IGF1R: variants seen among roughly 807,000 people sequenced by gnomAD.
IGF1R encodes the protein insulin like growth factor 1 receptor.
A neutral mutation model predicts 144.6 loss-of-function variants in IGF1R; 44 were observed. The ratio of observed to expected loss-of-function variants is 0.30; its 90% CI spans 0.24 to 0.39. The LOEUF (loss-of-function observed/expected upper bound fraction) is 0.39. Ranked by LOEUF, IGF1R falls within the 10% of genes least tolerant of loss-of-function variation. The pLI is 1.00. For missense variants in IGF1R, 1,355 were observed against 1,833.7 expected (o/e 0.74, Z 4.77); for synonymous variants, 795 against 722.8 (o/e 1.10, Z -1.60).
At chr15:98,774,111 C>T (rs11855167) in intron 2 of IGF1R, among the ~76,000 whole-genome samples, 8,275 of 152,132 alleles carry the variant, frequency 0.054, 276 homozygotes, top group East Asian at 0.12. Flanking sequence ...GACATCATGC[C>T]GTGACAAAAA....
chr15:98,864,797 C>T (rs1255370551), intron 2 of IGF1R, among the ~76,000 whole-genome samples: 1 of 152,200 alleles, frequency 6.6e-6, no homozygotes, highest in Admixed American at 6.5e-5. Context: ...GATTTATACT[C>T]CTCAAGTGTA....
In IGF1R at chr15:98,895,866, C is replaced by T. The variant is rs942802141; in HGVS notation, c.954-891C>T. On this transcript the variant is annotated intron_variant, in intron 3 of 20. Transcript: ENST00000650285. ...GCTTACCATCCTATTACACACACAT[C>T]GCATAAGTTCGTATTATTTGTCTTG... Among the ~76,000 whole-genome samples, 15 of 152,314 alleles carry T rather than the reference C, an allele frequency of 9.8e-5. No individual in the cohort carries two copies. In the East Asian group the frequency reaches 1.9e-3, roughly 20 times the overall value.
chr15:98,925,087 AT>A (rs1456310638), intron 13 of IGF1R, among the ~76,000 whole-genome samples: 1 of 151,886 alleles, frequency 6.6e-6, no homozygotes, highest in Admixed American at 6.6e-5. Flanking sequence ...TAGGGCTCGG[AT>A]TCAGGGCTTG....
At chr15:98,939,108 ATT>A in intron 17 of IGF1R, 91 bp from the exon 18 acceptor site, 1 of 1,072,278 alleles carries the variant, frequency 9.3e-7, no homozygotes, top group Non-Finnish European at 1.4e-6. Flanking sequence ...CGGTGCCCAG[ATT>A]GAACAAAGAT....
At chr15:98,816,809 G>C (rs559107248) in intron 2 of IGF1R, among the ~76,000 whole-genome samples, 1 of 152,232 alleles carries the variant, frequency 6.6e-6, no homozygotes, top group Non-Finnish European at 1.5e-5. Context: ...GGAGGTGGGA[G>C]AGGGAGATGA....
chr15:98,950,198 A>C (rs1396316511), intron 20 of IGF1R, among the ~76,000 whole-genome samples: 2 of 151,396 alleles, frequency 1.3e-5, no homozygotes, highest in African/African-American at 4.9e-5. Context: ...TCACCCATCC[A>C]CCCCCCTGGA....
chr15:98,941,946 T>TATAA (rs1013199136), intron 18 of IGF1R, among the ~76,000 whole-genome samples: 52 of 152,292 alleles, frequency 3.4e-4, no homozygotes, highest in African/African-American at 1.2e-3. Context: ...AATTTAGGAT[T>TATAA]ATAAAGCGAG....
intron 1 of IGF1R, among the ~76,000 whole-genome samples, chr15:98,673,622 A>G (rs186030989): frequency 2.8e-4 from 43 of 152,330 alleles, no homozygotes; most frequent in African/African-American, 1.0e-3. Context: ...GGATCCCCCC[A>G]TGCTGGGTAC....
At chr15:98,826,277 T>C (rs947559034) in intron 2 of IGF1R, among the ~76,000 whole-genome samples, 1 of 152,244 alleles carries the variant, frequency 6.6e-6, no homozygotes, top group Admixed American at 6.5e-5. Flanking sequence ...AGGACTTTCC[T>C]CAGGGATTTA....
intron 2 of IGF1R, among the ~76,000 whole-genome samples, chr15:98,778,259 A>T (rs934461520): frequency 6.6e-6 from 1 of 152,174 alleles, no homozygotes; most frequent in Admixed American, 6.5e-5. Flanking sequence ...GTCGTAGGAA[A>T]ACTGAGAAGC....
chr15:98,674,761 C>A (rs2052989564), intron 1 of IGF1R, among the ~76,000 whole-genome samples: 1 of 151,900 alleles, frequency 6.6e-6, no homozygotes, highest in Non-Finnish European at 1.5e-5. Context: ...CTCAAGGTAA[C>A]CATTGTTAAT....
At position 98,958,790 on chromosome 15, in the gene IGF1R, A is replaced by T. The variant is rs1308874569; in HGVS notation, c.*1348A>T. On this transcript the variant is annotated 3_prime_UTR_variant, in exon 21 of 21. Transcript: ENST00000650285. Reference sequence around the variant, plus strand: ...GGTCCACCCTCTCCCCTTTCTGCTCACTCCAAGAAACTTCTTATGCTTTGT... The same window carrying T: ...GGTCCACCCTCTCCCCTTTCTGCTCTCTCCAAGAAACTTCTTATGCTTTGT... The T allele has an allele frequency of 2.1e-5, 5 of 232,662 alleles. No homozygotes were observed. Among genetic ancestry groups the T allele is most frequent in the Non-Finnish European group, 4.2e-5 (5 of 117,718 alleles). 14.4% of individuals were successfully genotyped at this position (232,662 alleles called of 1,614,324 possible).
At chr15:98,943,898 G>A (rs571515897) in intron 19 of IGF1R, among the ~76,000 whole-genome samples, 24 of 152,078 alleles carry the variant, frequency 1.6e-4, no homozygotes, top group Admixed American at 5.2e-4. Flanking sequence ...TTTTAACCTC[G>A]TAAACCTTTC....
chr15:98,943,554 G>C (rs562306459), intron 19 of IGF1R, among the ~76,000 whole-genome samples: 2 of 152,360 alleles, frequency 1.3e-5, no homozygotes, highest in African/African-American at 4.8e-5. Flanking sequence ...TGTGGACCCA[G>C]GGATGGTTAT....
At position 98,738,617 on chromosome 15, in the gene IGF1R, T is replaced by TC. The variant is rs1363284377; in HGVS notation, c.640+30517dup. 8.5e-5 allele frequency among the ~76,000 whole-genome samples: 13 copies of TC among 152,162 alleles called. No homozygotes were observed. The East Asian group carries it at 1.4e-3, about 16-fold the overall frequency. ...AGTTGTGTCTGTCTGAGGCTCAGAT[T>TC]CCCCCCCATTTAGGATTTGTGTGGC... On this transcript the variant is annotated intron_variant, in intron 2 of 20. Coordinates refer to ENST00000650285, the MANE Select transcript of IGF1R (RefSeq NM_000875.5).
At position 98,896,718 on chromosome 15, in the gene IGF1R, A is replaced by G. The variant is rs375161274; in HGVS notation, c.954-39A>G. The G allele has an allele frequency of 1.7e-5, 28 of 1,604,120 alleles. No homozygotes were observed. The African/African-American group carries it at 2.1e-4, about 12-fold the overall frequency. ...TTTTTAATGCAAGAAGACAGACTCA[A>G]TTATGTGTGTTTTTGATTTTTTTTT... On this transcript the variant is annotated intron_variant, in intron 3 of 20. Coordinates refer to ENST00000650285, the MANE Select transcript of IGF1R (RefSeq NM_000875.5).
chr15:98,887,469 A>G (rs761599732), intron 2 of IGF1R, among the ~76,000 whole-genome samples: 1 of 152,158 alleles, frequency 6.6e-6, no homozygotes, highest in Non-Finnish European at 1.5e-5. Context: ...CTTAATGTCT[A>G]TTACACATCA....
chr15:98,800,757 C>T (rs1326306927), intron 2 of IGF1R, among the ~76,000 whole-genome samples: 3 of 152,146 alleles, frequency 2.0e-5, no homozygotes, highest in Admixed American at 6.5e-5. Context: ...AAAACACCGG[C>T]ACAAAACACA....
intron 5 of IGF1R, among the ~76,000 whole-genome samples, chr15:98,900,431 A>G (rs1007599301): frequency 1.3e-5 from 2 of 152,238 alleles, no homozygotes; most frequent in African/African-American, 2.4e-5. Context: ...TTAGGAAAAG[A>G]AGAGGCGAGA....
Sources: gnomAD v4.1 joint callset for allele counts (sites outside exome capture counted in the v4.1 genomes callset) on GRCh38, gnomAD v4.1.1 for gene constraint, MANE v1.5 for transcripts, NCBI Gene and HGNC (gene_info 2026-07-23, HGNC 2026-07-21) for gene names.